Variants in NOTCH2 observed in about 807,000 individuals in gnomAD.
NOTCH2 encodes neurogenic locus notch homolog protein 2.
In NOTCH2, 29 loss-of-function variants were observed where a neutral mutation model predicts 235.8. The ratio of observed to expected loss-of-function variants is 0.12; its 90% CI spans 0.09 to 0.17. The LOEUF (loss-of-function observed/expected upper bound fraction) is 0.17, where lower values mean the gene tolerates loss of function less well. Among genes scored for constraint, NOTCH2 ranks in the 10% least tolerant of loss-of-function variants. NOTCH2 has a pLI of 1.00. For synonymous variants in NOTCH2, 1,086 were observed against 1,141.5 expected (o/e 0.95, Z 0.98); for missense variants, 2,285 against 3,150.2 (o/e 0.73, Z 6.57).
intron 18 of NOTCH2, 57 bp from the exon 19 acceptor site, chr1:119,940,813 A>G: frequency 7.0e-7 from 1 of 1,432,278 alleles, no homozygotes; most frequent in Admixed American, 1.7e-5. Context: ...ACTTACTACT[A>G]CAAAGTAAGA....
chr1:120,010,254 C>G (rs1400647310), intron 2 of NOTCH2, among the ~76,000 whole-genome samples: 1 of 152,132 alleles, frequency 6.6e-6, no homozygotes, highest in Non-Finnish European at 1.5e-5. Context: ...CAGACATCAT[C>G]TTGTTGCTGG....
At chr1:119,931,302 A>C (rs1166186373) in intron 22 of NOTCH2, among the ~76,000 whole-genome samples, 1 of 152,162 alleles carries the variant, frequency 6.6e-6, no homozygotes, top group African/African-American at 2.4e-5. Context: ...ACCTAAATGA[A>C]GACAACTTTA....
intron 21 of NOTCH2, 45 bp downstream of exon 21, chr1:119,937,237 A>C: frequency 6.3e-7 from 1 of 1,589,292 alleles, no homozygotes; most frequent in South Asian, 1.1e-5. Flanking sequence ...ACAGTTGTAC[A>C]ATCTCCTGGG....
chr1:119,979,888 T>C (rs1651744184), intron 5 of NOTCH2, among the ~76,000 whole-genome samples: 1 of 152,176 alleles, frequency 6.6e-6, no homozygotes, highest in Non-Finnish European at 1.5e-5. Flanking sequence ...AAATACATTC[T>C]AATTTCTGAC....
chr1:119,948,601 T>C, intron 16 of NOTCH2, 35 bp from the exon 17 acceptor site: 1 of 1,613,596 alleles, frequency 6.2e-7, no homozygotes, highest in South Asian at 1.1e-5. Flanking sequence ...ACCTAGTCCT[T>C]GGAAGCTGAT....
chr1:119,982,618 A>T (rs1051526099), intron 5 of NOTCH2, among the ~76,000 whole-genome samples: 7 of 152,256 alleles, frequency 4.6e-5, no homozygotes, highest in Non-Finnish European at 7.3e-5. Flanking sequence ...TATAATAAAG[A>T]CGTTTGTGCT....
chr1:119,941,407 C>G, intron 18 of NOTCH2, 119 bp downstream of exon 18: 2 of 742,072 alleles, frequency 2.7e-6, no homozygotes, highest in South Asian at 3.0e-5. Context: ...TGACTGTGGA[C>G]TGGGATCCAT....
At chr1:119,963,487 G>T in intron 11 of NOTCH2, 87 bp downstream of exon 11, 1 of 1,191,618 alleles carries the variant, frequency 8.4e-7, no homozygotes, top group Non-Finnish European at 1.3e-6. Context: ...AGGTATCTGA[G>T]CATATGCCAA....
rs3795666 is a variant in NOTCH2 at position 119,916,301 on chromosome 1, G to A, written c.6421C>T (p.Leu2141=). ...RKKSLSEKVQ[L]SESSVTLSPV... is the part of the protein sequence containing the mutation. ...GATAAAGTTACTGAACTCTCAGACA[G>A]TTGGACCTTCTCACTCAGAGACTTC... The change falls in exon 34 of 34, where the codon CTG becomes TTG. Residue 2141 remains leucine, a synonymous_variant. Transcript: ENST00000256646. 41,865 of 1,614,214 alleles carry A rather than the reference G, an allele frequency of 0.026. 1,184 individuals carry two copies. Among genetic ancestry groups the A allele is most frequent in the South Asian group, 0.1 (9,533 of 91,084 alleles).
At chr1:120,000,735 A>C (rs1269755022) in intron 3 of NOTCH2, among the ~76,000 whole-genome samples, 5 of 151,016 alleles carry the variant, frequency 3.3e-5, no homozygotes, top group Non-Finnish European at 7.4e-5. Context: ...GCCTCCTAAT[A>C]GCAAAACAAC....
intron 23 of NOTCH2, among the ~76,000 whole-genome samples, chr1:119,928,474 A>T (rs1303110328): frequency 7.2e-5 from 11 of 152,208 alleles, no homozygotes; most frequent in African/African-American, 2.7e-4. Context: ...ATGTCAAAGG[A>T]GGCAGGGTGA....
chr1:119,960,458 AATATATTTGTAAT>A (rs1339833313), intron 11 of NOTCH2, among the ~76,000 whole-genome samples: 5 of 150,302 alleles, frequency 3.3e-5, no homozygotes, highest in African/African-American at 1.2e-4. Context: ...ATATTTGTGA[AATATATTTGTAAT>A]ATATTTCACA....
rs1347586403 is a variant in NOTCH2 at position 119,911,774 on chromosome 1, T to C, written c.*3532A>G. 3.4e-5 allele frequency: 8 copies of C among 233,184 alleles called. No homozygotes were observed. Among genetic ancestry groups the C allele is most frequent in the East Asian group, 6.0e-5 (1 of 16,584 alleles). The allele number at this position is 233,184 out of a possible 1,614,324, so 14.4% of individuals were successfully genotyped here. On this transcript the variant is annotated 3_prime_UTR_variant, in exon 34 of 34. Transcript: ENST00000256646. ...CTATAGCAACTACTTCGCATTTCCA[T>C]TGGAAGGCACCTTGTCCCTGAGCAA...
intron 32 of NOTCH2, 84 bp from the exon 33 acceptor site, chr1:119,917,846 T>TC: frequency 1.1e-6 from 1 of 875,326 alleles, no homozygotes; most frequent in Non-Finnish European, 1.9e-6. Context: ...AATCTTAAAC[T>TC]CCCCAGAGAT....
chr1:119,975,118 G>T (rs782207204), intron 5 of NOTCH2, among the ~76,000 whole-genome samples: 3 of 152,196 alleles, frequency 2.0e-5, no homozygotes, highest in Non-Finnish European at 4.4e-5. Context: ...TGGGGTGTGA[G>T]ATTGCTGCAG....
Position 119,915,115 on chromosome 1 carries a change from T to C in NOTCH2, c.*191A>G, listed in dbSNP as rs369333412. 1.6e-6 allele frequency: 1 copy of C among 638,740 alleles called. No individual in the cohort carries two copies. Among genetic ancestry groups the C allele is most frequent in the African/African-American group, 1.8e-5 (1 of 55,200 alleles). 39.6% of individuals were successfully genotyped at this position (638,740 alleles called of 1,614,324 possible). A position where few individuals can be genotyped will look rare whatever the true frequency, so the allele number is the denominator to read the frequency against. ...TGTCTTATTAGATTAGAATAATCAATAAGCCTTGCAGATACCCAGTGAAAC... is the reference window on the plus strand; with the variant it reads ...TGTCTTATTAGATTAGAATAATCAACAAGCCTTGCAGATACCCAGTGAAAC... On this transcript the variant is annotated 3_prime_UTR_variant, in exon 34 of 34. Coordinates refer to ENST00000256646, the MANE Select transcript of NOTCH2 (RefSeq NM_024408.4).
chr1:119,970,611 C>T (rs1651325298), intron 5 of NOTCH2, among the ~76,000 whole-genome samples: 1 of 152,220 alleles, frequency 6.6e-6, no homozygotes, highest in African/African-American at 2.4e-5. Context: ...CAGGTCACCA[C>T]TATAGCAACA....
intron 4 of NOTCH2, 40 bp from the exon 5 acceptor site, chr1:119,987,122 A>T: frequency 6.2e-7 from 1 of 1,612,128 alleles, no homozygotes; most frequent in Non-Finnish European, 8.5e-7. Flanking sequence ...GAAATCTCAT[A>T]CAGAAGAAAC....
intron 21 of NOTCH2, 75 bp from the exon 22 acceptor site, chr1:119,935,679 T>A: frequency 6.6e-7 from 1 of 1,525,770 alleles, no homozygotes. Flanking sequence ...TAGTGAGATC[T>A]GGAACATTTC....
Sources: allele counts gnomAD v4.1 joint callset (sites outside exome capture counted in the v4.1 genomes callset), GRCh38; gene constraint gnomAD v4.1.1; transcripts MANE v1.5; gene names NCBI Gene and HGNC (gene_info 2026-07-23, HGNC 2026-07-21).